The following SLC4A4 variants were observed in gnomAD, a reference collection of about 807,000 sequenced individuals.
SLC4A4 encodes solute carrier family 4 member 4, also known as electrogenic sodium bicarbonate cotransporter 1.
Under a neutral mutation model 111.5 loss-of-function variants are expected in SLC4A4, and 27 were observed. That is an observed-to-expected ratio of 0.24 (90% confidence interval 0.18 to 0.33). The LOEUF (loss-of-function observed/expected upper bound fraction) is 0.33, where lower values mean the gene tolerates loss of function less well. Ranked by LOEUF, SLC4A4 falls within the 10% of genes least tolerant of loss-of-function variation. The pLI is 1.00. For missense variants in SLC4A4, 909 were observed against 1,315.5 expected (o/e 0.69, Z 4.78); for synonymous variants, 443 against 463.4 (o/e 0.96, Z 0.57).
intron 1 of SLC4A4, among the ~76,000 whole-genome samples, chr4:71,217,761 G>A (rs796894084): frequency 2.0e-5 from 3 of 152,288 alleles, no homozygotes; most frequent in African/African-American, 7.2e-5. Context: ...GGCATCATAT[G>A]TACTTAGCTG....
intron 1 of SLC4A4, among the ~76,000 whole-genome samples, chr4:71,082,364 T>C (rs1347031823): frequency 1.3e-5 from 2 of 151,980 alleles, no homozygotes; most frequent in East Asian, 3.8e-4. Context: ...GAACACTCTA[T>C]CCTCTCACCA....
chr4:71,309,009 C>T (rs1348073627), intron 3 of SLC4A4, among the ~76,000 whole-genome samples: 3 of 152,238 alleles, frequency 2.0e-5, no homozygotes, highest in Non-Finnish European at 4.4e-5. Flanking sequence ...GCACAGCAGT[C>T]TGAAGTCGAC....
chr4:71,423,080 T>C (rs1348177982), intron 7 of SLC4A4, among the ~76,000 whole-genome samples: 2 of 152,132 alleles, frequency 1.3e-5, no homozygotes, highest in African/African-American at 2.4e-5. Context: ...GTTGTATATC[T>C]AGAAAACCCC....
rs187201406 is a variant in SLC4A4, at chr4:71,416,717, G to T, written c.807+19064G>T. ...ATTATTATTATTATTATTATTACTA[G>T]TAATTTTAGAATTATTATTGAAGCT... On this transcript the variant is annotated intron_variant, in intron 7 of 25. Transcript: ENST00000264485. Among the ~76,000 whole-genome samples, 422 of 152,014 alleles carry T rather than the reference G, an allele frequency of 2.8e-3. 2 individuals carry two copies. The highest frequency in any genetic ancestry group is 9.8e-3 in the African/African-American group (405 of 41,486).
intron 15 of SLC4A4, among the ~76,000 whole-genome samples, chr4:71,496,885 AC>A: frequency 6.6e-6 from 1 of 152,234 alleles, no homozygotes; most frequent in South Asian, 2.1e-4. Flanking sequence ...CATAATGCTG[AC>A]CTAGAGTCAA....
intron 3 of SLC4A4, among the ~76,000 whole-genome samples, chr4:71,323,981 C>A (rs1727312183): frequency 2.0e-5 from 3 of 151,922 alleles, no homozygotes; most frequent in African/African-American, 7.3e-5. Context: ...TGATGCGGTA[C>A]CCCTTCCAGG....
chr4:71,090,097 G>A (rs555640122), intron 1 of SLC4A4, among the ~76,000 whole-genome samples: 10 of 152,124 alleles, frequency 6.6e-5, no homozygotes, highest in East Asian at 1.9e-4. Context: ...TAGCAATGGC[G>A]GGCGCCACTC....
At chr4:71,225,559 C>T (rs1053899760) in intron 1 of SLC4A4, among the ~76,000 whole-genome samples, 12 of 152,128 alleles carry the variant, frequency 7.9e-5, no homozygotes, top group African/African-American at 2.7e-4. Context: ...GAGCCTCATC[C>T]CTGCCAGCTG....
intron 2 of SLC4A4, among the ~76,000 whole-genome samples, chr4:71,129,210 A>G (rs1255078482): frequency 2.6e-5 from 4 of 152,342 alleles, no homozygotes; most frequent in Non-Finnish European, 2.9e-5. Context: ...TTTGCAAACC[A>G]TGCATCCTAC....
intron 2 of SLC4A4, among the ~76,000 whole-genome samples, chr4:71,118,251 A>G (rs1743325439): frequency 1.3e-5 from 2 of 152,098 alleles, no homozygotes; most frequent in African/African-American, 4.8e-5. Flanking sequence ...CATATACTCT[A>G]TTTCTATTTT....
At chr4:71,492,318 T>C (rs1490863561) in intron 15 of SLC4A4, among the ~76,000 whole-genome samples, 1 of 151,926 alleles carries the variant, frequency 6.6e-6, no homozygotes, top group East Asian at 1.9e-4. Context: ...TTAGGGAGGA[T>C]ACTGTGGTCT....
At chr4:71,235,259 T>C (rs1719721844) in intron 1 of SLC4A4, among the ~76,000 whole-genome samples, 2 of 152,240 alleles carry the variant, frequency 1.3e-5, no homozygotes, top group Non-Finnish European at 2.9e-5. Flanking sequence ...CTTTTTATGT[T>C]ATGATGGTTG....
At chr4:71,563,310 G>A (rs1422348318) in intron 23 of SLC4A4, among the ~76,000 whole-genome samples, 3 of 151,760 alleles carry the variant, frequency 2.0e-5, no homozygotes, top group Admixed American at 6.6e-5. Context: ...TACATAGAAG[G>A]CTTCTTGATA....
chr4:71,465,860 A>G (rs1328510991), intron 12 of SLC4A4, among the ~76,000 whole-genome samples: 2 of 152,136 alleles, frequency 1.3e-5, no homozygotes, highest in Non-Finnish European at 2.9e-5. Flanking sequence ...TTTACATTGG[A>G]CAATGAAAAT....
At chr4:71,330,965 C>A (rs370421547) in intron 3 of SLC4A4, among the ~76,000 whole-genome samples, 5 of 152,134 alleles carry the variant, frequency 3.3e-5, no homozygotes, top group South Asian at 2.1e-4. Context: ...ATGCAGCCAA[C>A]AGGCACATGA....
chr4:71,156,595 C>A (rs867680130), intron 2 of SLC4A4, among the ~76,000 whole-genome samples: 1 of 150,062 alleles, frequency 6.7e-6, no homozygotes, highest in Non-Finnish European at 1.5e-5. Flanking sequence ...CGCGCACACA[C>A]ACACACACAC....
chr4:71,472,679 T>A lies in SLC4A4; in HGVS notation c.1632-20T>A, dbSNP rs770978891. 9.3e-6 allele frequency: 15 copies of A among 1,611,340 alleles called. No homozygotes were observed. In the South Asian group the frequency reaches 1.5e-4, roughly 17 times the overall value. On this transcript the variant is annotated intron_variant, in intron 13 of 25. Coordinates refer to ENST00000264485, the MANE Select transcript of SLC4A4 (RefSeq NM_001098484.3). ...GTTCCAAGGAGGAGGAATCTAAACA[T>A]TTTTCTTTCTTTTTTCCAGGGACAA...
chr4:71,112,927 G>C (rs1010619660), intron 2 of SLC4A4, among the ~76,000 whole-genome samples: 2 of 152,152 alleles, frequency 1.3e-5, no homozygotes, highest in East Asian at 3.8e-4. Context: ...CCTTAAAAGG[G>C]GGAAATTGAA....
intron 15 of SLC4A4, among the ~76,000 whole-genome samples, chr4:71,495,241 A>G (rs1028771717): frequency 3.3e-5 from 5 of 152,136 alleles, no homozygotes; most frequent in African/African-American, 9.6e-5. Context: ...AAGAAAATCA[A>G]TAGAACTTCC....
Sources: allele counts gnomAD v4.1 joint callset (sites outside exome capture counted in the v4.1 genomes callset), GRCh38; gene constraint gnomAD v4.1.1; transcripts MANE v1.5; gene names NCBI Gene and HGNC (gene_info 2026-07-23, HGNC 2026-07-21).